The following IMMP2L variants were observed in gnomAD, a reference collection of about 807,000 sequenced individuals.
IMMP2L encodes inner mitochondrial membrane peptidase subunit 2, also known as mitochondrial inner membrane protease subunit 2.
In IMMP2L, 18 loss-of-function variants were observed where a neutral mutation model predicts 19.3. The ratio of observed to expected loss-of-function variants is 0.93; its 90% CI spans 0.64 to 1.38. The LOEUF (loss-of-function observed/expected upper bound fraction) is 1.38. Among genes scored for constraint, IMMP2L ranks in the 40% most tolerant of loss-of-function variants. The pLI is 0.00. For missense variants in IMMP2L, 233 were observed against 218.2 expected, an observed-to-expected ratio of 1.07 and a Z score of -0.43; for synonymous variants, 76 against 73.0, an observed-to-expected ratio of 1.04 and a Z score of -0.21.
Position 111,436,984 on chromosome 7 carries a change from C to T in IMMP2L, c.239+50254G>A, listed in dbSNP as rs114488383. On this transcript the variant is annotated intron_variant, in intron 3 of 5. Coordinates refer to ENST00000405709, the MANE Select transcript of IMMP2L (RefSeq NM_032549.4). ...AGAACTCACTCATTATCATGAGGAA[C>T]GCAATAAGCTTTTCATTAGGGATCC... Among the ~76,000 whole-genome samples the T allele has an allele frequency of 1.7e-3, 254 of 151,806 alleles. 6 individuals are homozygous for T. Among genetic ancestry groups the T allele is most frequent in the Middle Eastern group, 6.8e-3 (2 of 294 alleles).
intron 3 of IMMP2L, among the ~76,000 whole-genome samples, chr7:111,450,005 G>T (rs1021567296): frequency 4.7e-5 from 7 of 150,456 alleles, no homozygotes; most frequent in African/African-American, 1.7e-4. Context: ...ACTTACAAGG[G>T]ATGTGAAGCA....
intron 3 of IMMP2L, among the ~76,000 whole-genome samples, chr7:111,361,277 T>C (rs1829234239): frequency 6.6e-6 from 1 of 152,170 alleles, no homozygotes; most frequent in African/African-American, 2.4e-5. Flanking sequence ...ATCTGTTCCC[T>C]ATTATTCTCA....
At chr7:110,835,056 C>A (rs1271489533) in intron 5 of IMMP2L, among the ~76,000 whole-genome samples, 1 of 152,066 alleles carries the variant, frequency 6.6e-6, no homozygotes, top group Non-Finnish European at 1.5e-5. Context: ...ATCACCTGTG[C>A]CACCTAGCCT....
At chr7:111,532,976 T>A (rs965881431) in intron 1 of IMMP2L, among the ~76,000 whole-genome samples, 5 of 152,170 alleles carry the variant, frequency 3.3e-5, no homozygotes, top group Non-Finnish European at 5.9e-5. Flanking sequence ...CTTATGGTCC[T>A]TTTAGCTTAT....
intron 1 of IMMP2L, among the ~76,000 whole-genome samples, chr7:111,546,504 T>C (rs1044441215): frequency 2.0e-5 from 3 of 152,202 alleles, no homozygotes; most frequent in South Asian, 2.1e-4. Flanking sequence ...GTGCTCTTTA[T>C]ATATTTATGA....
chr7:110,910,763 A>C (rs891908710), intron 4 of IMMP2L, among the ~76,000 whole-genome samples: 2 of 152,152 alleles, frequency 1.3e-5, no homozygotes, highest in African/African-American at 4.8e-5. Context: ...GGACAGATGA[A>C]GTTCATATGT....
intron 3 of IMMP2L, among the ~76,000 whole-genome samples, chr7:111,249,472 A>AC (rs772768500): frequency 9.2e-4 from 138 of 150,698 alleles, no homozygotes; most frequent in African/African-American, 3.3e-3. Flanking sequence ...TGCAGAAATC[A>AC]CCGTCTTCTG....
rs555467405 is a variant in IMMP2L at position 111,512,459 on chromosome 7, A to T, written c.135+8854T>A. ...GTTATGGTAATGATTGCATGACTCC[A>T]TAAGTTTACTTTTAATACTATTTAT... is the stretch of plus-strand genomic sequence containing the variant. On this transcript the variant is annotated intron_variant, in intron 2 of 5. Transcript: ENST00000405709. Among the ~76,000 whole-genome samples, 54 of 143,454 alleles carry T rather than the reference A, an allele frequency of 3.8e-4. 1 individual carries two copies. The highest frequency in any genetic ancestry group is 1.4e-3 in the African/African-American group (50 of 35,428). 94.1% of individuals were successfully genotyped at this position (143,454 alleles called of 152,430 possible).
intron 5 of IMMP2L, among the ~76,000 whole-genome samples, chr7:110,849,010 T>C (rs1239792274): frequency 3.3e-5 from 5 of 152,114 alleles, no homozygotes; most frequent in Admixed American, 6.6e-5. Flanking sequence ...GTCATATGCA[T>C]TTGTCAAACC....
chr7:111,007,121 A>G (rs924232105), intron 3 of IMMP2L, among the ~76,000 whole-genome samples: 2 of 152,094 alleles, frequency 1.3e-5, no homozygotes, highest in Non-Finnish European at 2.9e-5. Context: ...GAAGCTTACA[A>G]TCATGGCAGA....
At chr7:111,112,111 C>T (rs1030931883) in intron 3 of IMMP2L, among the ~76,000 whole-genome samples, 2 of 151,442 alleles carry the variant, frequency 1.3e-5, no homozygotes, top group African/African-American at 4.9e-5. Context: ...CCACACCCGG[C>T]TAATTTTTGT....
In IMMP2L at chr7:111,562,250, G is replaced by C. The variant is rs1420782702; in HGVS notation, c.-402C>G. 6.6e-6 allele frequency: 1 copy of C among 152,118 alleles called. No homozygotes were observed. Among genetic ancestry groups the C allele is most frequent in the Non-Finnish European group, 1.5e-5 (1 of 68,014 alleles). The allele number at this position is 152,118 out of a possible 1,614,324, so 9.4% of individuals were successfully genotyped here. A position where few individuals can be genotyped will look rare whatever the true frequency, so the allele number is the denominator to read the frequency against. On this transcript the variant is annotated 5_prime_UTR_variant, in exon 1 of 6. Transcript: ENST00000405709. ...CGCCGCACGCGCCTCAGATAAACAC[G>C]CGCACGCACACATGCTCGCGATCAC...
At chr7:111,541,740 T>C (rs999295495) in intron 1 of IMMP2L, among the ~76,000 whole-genome samples, 38 of 152,116 alleles carry the variant, frequency 2.5e-4, no homozygotes, top group African/African-American at 8.7e-4. Context: ...ATGAGCCATA[T>C]AGAGATTTGA....
chr7:110,966,543 G>T (rs1328175535), intron 3 of IMMP2L, among the ~76,000 whole-genome samples: 1 of 151,880 alleles, frequency 6.6e-6, no homozygotes, highest in Non-Finnish European at 1.5e-5. Flanking sequence ...TTCTTAAAAG[G>T]TATTCTATAT....
intron 3 of IMMP2L, among the ~76,000 whole-genome samples, chr7:111,153,173 T>TA (rs1172829499): frequency 6.6e-6 from 1 of 152,088 alleles, no homozygotes; most frequent in Admixed American, 6.5e-5. Context: ...TTTTCTTTTT[T>TA]AAAAAAAGTT....
At chr7:111,362,091 C>A (rs1829313279) in intron 3 of IMMP2L, among the ~76,000 whole-genome samples, 1 of 151,786 alleles carries the variant, frequency 6.6e-6, no homozygotes, top group Non-Finnish European at 1.5e-5. Context: ...TTAAGAGTAC[C>A]AAAGAAATCT....
At chr7:110,962,334 C>T (rs1819036315) in intron 4 of IMMP2L, 1 of 151,684 alleles carries the variant, frequency 6.6e-6, no homozygotes, top group Non-Finnish European at 1.5e-5. Flanking sequence ...TTTATTGATT[C>T]AATTTAAAAT....
At chr7:110,694,628 C>G (rs549605884) in intron 5 of IMMP2L, among the ~76,000 whole-genome samples, 1 of 151,622 alleles carries the variant, frequency 6.6e-6, no homozygotes, top group African/African-American at 2.4e-5. Context: ...ACAGAGAGAG[C>G]GAGAGAAAGA....
At chr7:111,263,595 T>G (rs534594877) in intron 3 of IMMP2L, among the ~76,000 whole-genome samples, 4 of 152,082 alleles carry the variant, frequency 2.6e-5, no homozygotes. Context: ...AAGTCTGGGA[T>G]AGACAGATAA....
Sources: allele counts gnomAD v4.1 joint callset (sites outside exome capture counted in the v4.1 genomes callset), GRCh38; gene constraint gnomAD v4.1.1; transcripts MANE v1.5; gene names NCBI Gene and HGNC (gene_info 2026-07-23, HGNC 2026-07-21).